The following TRAPPC9 variants were observed in gnomAD, a reference collection of about 807,000 sequenced individuals.
TRAPPC9 encodes IKK2 binding protein.
Under a neutral mutation model 124.0 loss-of-function variants are expected in TRAPPC9, and 83 were observed. The observed-to-expected ratio is 0.67, with a 90% CI of 0.56 to 0.80. TRAPPC9 has a LOEUF of 0.80. TRAPPC9 is among the 30% of genes least tolerant of loss of function. The pLI, the probability that TRAPPC9 is intolerant of heterozygous loss-of-function variation, is 0.00. For synonymous variants in TRAPPC9, 638 were observed against 617.5 expected, an observed-to-expected ratio of 1.03 and a Z score of -0.49; for missense variants, 1,302 against 1,508.3, an observed-to-expected ratio of 0.86 and a Z score of 2.27.
intron 19 of TRAPPC9, among the ~76,000 whole-genome samples, chr8:139,925,040 C>T (rs899700180): frequency 1.3e-5 from 2 of 152,224 alleles, no homozygotes; most frequent in Non-Finnish European, 2.9e-5. Context: ...CACTACAACT[C>T]ACGCCTCCCA....
intron 9 of TRAPPC9, among the ~76,000 whole-genome samples, chr8:140,312,269 A>T (rs2066317290): frequency 6.6e-6 from 1 of 152,324 alleles, no homozygotes; most frequent in Middle Eastern, 3.4e-3. Context: ...GTGACTGCTG[A>T]TGGGGAAGAC....
chr8:140,440,065 T>C (rs2070954217), intron 2 of TRAPPC9, among the ~76,000 whole-genome samples: 3 of 152,218 alleles, frequency 2.0e-5, no homozygotes, highest in African/African-American at 7.2e-5. Context: ...CTCTGGAATT[T>C]AGCATTTCCA....
chr8:139,870,718 C>A (rs1587044028), intron 21 of TRAPPC9, among the ~76,000 whole-genome samples: 1 of 152,222 alleles, frequency 6.6e-6, no homozygotes, highest in East Asian at 1.9e-4. Context: ...ACTATGTCTG[C>A]AGACACAACC....
chr8:140,103,219 G>A (rs1024288620), intron 17 of TRAPPC9, among the ~76,000 whole-genome samples: 5 of 152,178 alleles, frequency 3.3e-5, no homozygotes, highest in Admixed American at 2.0e-4. Context: ...GATGACAATT[G>A]TTTACGAGCT....
Position 140,371,015 on chromosome 8 carries a change from C to A in TRAPPC9, c.1300G>T (p.Glu434Ter). ...GWRACYKLLLETLPGYSLSLD... is the reference protein window; with the variant it reads ...GWRACYKLLL ...GACAGACTGTAGCCGGGCAGCGTTT[C>A]CAGGAGGAGTTTGTAGCAGGCCCTC... The change falls in exon 8 of 23, where the codon GAA (glutamate) becomes TAA (stop). Residue 434 changes from glutamate to a stop codon, truncating the protein, a stop_gained. Coordinates refer to ENST00000438773, the MANE Select transcript of TRAPPC9 (RefSeq NM_001160372.4). LOFTEE classifies it high-confidence loss of function. 1 of 1,614,246 alleles carries A rather than the reference C, an allele frequency of 6.2e-7. No individual in the cohort carries two copies. Among genetic ancestry groups the A allele is most frequent in the Non-Finnish European group, 8.5e-7 (1 of 1,180,042 alleles).
At position 140,403,040 on chromosome 8, in the gene TRAPPC9, TAAC is replaced by T. The variant is rs566796832; in HGVS notation, c.1008+2534_1008+2536del. Among the ~76,000 whole-genome samples the T allele has an allele frequency of 2.1e-3, 314 of 152,340 alleles. 1 individual carries two copies. The highest frequency in any genetic ancestry group is 6.7e-3 in the African/African-American group (278 of 41,578). On this transcript the variant is annotated intron_variant, in intron 6 of 22. Coordinates refer to ENST00000438773, the MANE Select transcript of TRAPPC9 (RefSeq NM_001160372.4). Reference sequence around the variant, plus strand: ...TTGCATAGATTATCTCAGCTTATCTTAACTACAGCTCTATGAGATGATGGGTAC... The same window carrying T: ...TTGCATAGATTATCTCAGCTTATCTTTACAGCTCTATGAGATGATGGGTAC...
At chr8:140,155,341 G>C (rs960601341) in intron 17 of TRAPPC9, among the ~76,000 whole-genome samples, 1 of 152,264 alleles carries the variant, frequency 6.6e-6, no homozygotes, top group East Asian at 1.9e-4. Flanking sequence ...TGGAAGCTGC[G>C]GGTGGTAGCT....
At chr8:140,404,884 ATG>A (rs1364710890) in intron 6 of TRAPPC9, among the ~76,000 whole-genome samples, 3 of 127,816 alleles carry the variant, frequency 2.3e-5, no homozygotes, top group Non-Finnish European at 5.2e-5. Context: ...GTGTAAGTGC[ATG>A]TGTGCACGTG....
At chr8:140,032,988 A>C (rs1007004937) in intron 17 of TRAPPC9, among the ~76,000 whole-genome samples, 5 of 152,200 alleles carry the variant, frequency 3.3e-5, no homozygotes, top group Admixed American at 2.0e-4. Context: ...AAAAAAGTGG[A>C]ACATCTTTCC....
chr8:140,195,720 C>T (rs2062639471), intron 17 of TRAPPC9, among the ~76,000 whole-genome samples: 1 of 151,954 alleles, frequency 6.6e-6, no homozygotes, highest in Non-Finnish European at 1.5e-5. Context: ...GTACAGATCA[C>T]ACCTGTGACA....
intron 17 of TRAPPC9, among the ~76,000 whole-genome samples, chr8:140,210,511 C>T (rs1276154531): frequency 6.6e-6 from 1 of 152,134 alleles, no homozygotes; most frequent in Non-Finnish European, 1.5e-5. Context: ...GCCGGTTCTC[C>T]GGGAAGCCTT....
At position 140,109,839 on chromosome 8, in the gene TRAPPC9, G is replaced by A. The variant is rs181197741; in HGVS notation, c.2557-85760C>T. Among the ~76,000 whole-genome samples, 10 of 152,334 alleles carry A rather than the reference G, an allele frequency of 6.6e-5. No individual in the cohort carries two copies. The East Asian group carries it at 1.5e-3, about 23-fold the overall frequency. ...GTTTTACCCTGGGCCACGCAGGCCAGCCTGCCTGTTTCCTGGTCTGATGAA... is the reference window on the plus strand; with the variant it reads ...GTTTTACCCTGGGCCACGCAGGCCAACCTGCCTGTTTCCTGGTCTGATGAA... On this transcript the variant is annotated intron_variant, in intron 17 of 22. Coordinates refer to ENST00000438773, the MANE Select transcript of TRAPPC9 (RefSeq NM_001160372.4).
At chr8:140,299,825 A>C (rs900871211) in intron 11 of TRAPPC9, among the ~76,000 whole-genome samples, 5 of 152,220 alleles carry the variant, frequency 3.3e-5, no homozygotes, top group African/African-American at 1.2e-4. Context: ...GTCCACTCCC[A>C]GTCTCTCCCA....
chr8:139,942,337 C>A (rs2665944), intron 19 of TRAPPC9, among the ~76,000 whole-genome samples: 74,360 of 151,850 alleles, frequency 0.49, 18,271 homozygotes, highest in Middle Eastern at 0.56. Flanking sequence ...ATTGACCCAA[C>A]AAGTGTTCTT....
intron 16 of TRAPPC9, among the ~76,000 whole-genome samples, chr8:140,235,260 A>C (rs2063706058): frequency 1.3e-5 from 2 of 152,242 alleles, no homozygotes; most frequent in South Asian, 4.1e-4. Context: ...GGCGTGAGCC[A>C]CCATGCCTGG....
chr8:139,867,472 C>G (rs1358293669), intron 21 of TRAPPC9, among the ~76,000 whole-genome samples: 3 of 152,196 alleles, frequency 2.0e-5, no homozygotes, highest in Admixed American at 6.5e-5. Context: ...GATATCCACA[C>G]AGTTTCAAAG....
chr8:140,335,225 G>A (rs924433826), intron 9 of TRAPPC9, among the ~76,000 whole-genome samples: 6 of 152,258 alleles, frequency 3.9e-5, no homozygotes, highest in Admixed American at 6.5e-5. Flanking sequence ...GCAATGTGAC[G>A]CACAGGCTGG....
intron 21 of TRAPPC9, among the ~76,000 whole-genome samples, chr8:139,820,524 T>C (rs1825182769): frequency 6.6e-6 from 1 of 152,322 alleles, no homozygotes; most frequent in South Asian, 2.1e-4. Flanking sequence ...ATTCCACATA[T>C]ACACATTTTT....
At chr8:139,755,501 T>G (rs929512304) in intron 21 of TRAPPC9, among the ~76,000 whole-genome samples, 137 of 42,542 alleles carry the variant, frequency 3.2e-3, no homozygotes, top group Admixed American at 4.4e-3. Context: ...AGGGTTGGGG[T>G]ATAAGGACAG....
Sources: allele counts gnomAD v4.1 joint callset (sites outside exome capture counted in the v4.1 genomes callset), GRCh38; gene constraint gnomAD v4.1.1; transcripts MANE v1.5; gene names NCBI Gene and HGNC (gene_info 2026-07-23, HGNC 2026-07-21).